The following NCR3LG1 variants were observed in gnomAD, a reference collection of about 807,000 sequenced individuals.
The protein encoded by NCR3LG1 is natural killer cell cytotoxicity receptor 3 ligand 1, also known as natural cytotoxicity triggering receptor 3 ligand 1.
A neutral mutation model predicts 34.8 loss-of-function variants in NCR3LG1; 35 were observed. That is an observed-to-expected ratio of 1.01 (90% confidence interval 0.77 to 1.33). The LOEUF is 1.33. Among genes scored for constraint, NCR3LG1 ranks in the 40% most tolerant of loss-of-function variants. NCR3LG1 has a pLI of 0.00. For missense variants in NCR3LG1, 452 were observed against 423.3 expected (o/e 1.07, Z -0.60); for synonymous variants, 173 against 163.6 (o/e 1.06, Z -0.44).
At chr11:17,356,423 C>T (rs895419239) in intron 1 of NCR3LG1, among the ~76,000 whole-genome samples, 2 of 152,084 alleles carry the variant, frequency 1.3e-5, no homozygotes, top group African/African-American at 4.8e-5. Flanking sequence ...AGGCATGAGC[C>T]ACCGTGCCTG....
chr11:17,353,638 T>G (rs2188955), intron 1 of NCR3LG1, among the ~76,000 whole-genome samples: 43,860 of 152,100 alleles, frequency 0.29, 7,758 homozygotes, highest in African/African-American at 0.48. Context: ...CTGGTGGTGG[T>G]GGAGAAGGGC....
At position 17,351,965 on chromosome 11, in the gene NCR3LG1, CGGCGAT is replaced by C; in HGVS notation, c.-3_3del. 1.4e-6 allele frequency: 2 copies of C among 1,401,314 alleles called. No individual in the cohort carries two copies. Among genetic ancestry groups the C allele is most frequent in the Non-Finnish European group, 1.9e-6 (2 of 1,062,086 alleles). The allele number at this position is 1,401,314 out of a possible 1,614,324, so 86.8% of individuals were successfully genotyped here. On this transcript the variant is annotated start_lost and 5_prime_UTR_variant, in exon 1 of 5. Transcript: ENST00000338965. ...GAAAAAAATTACACAACAGCAGCCGCGGCGATGACGTGGAGGGCTGCCGCCTCCACG... is the reference window on the plus strand; with the variant it reads ...GAAAAAAATTACACAACAGCAGCCGCGACGTGGAGGGCTGCCGCCTCCACG...
chr11:17,381,542 T>C (rs1953513377), downstream of NCR3LG1: 1 of 152,640 alleles, frequency 6.6e-6, no homozygotes, highest in South Asian at 2.1e-4. Context: ...GTCAGAACTG[T>C]ATTGCATTTG....
downstream of NCR3LG1, among the ~76,000 whole-genome samples, chr11:17,378,428 T>C (rs550425337): frequency 6.6e-6 from 1 of 152,314 alleles, no homozygotes; most frequent in Non-Finnish European, 1.5e-5. Context: ...GTGTGTTTTG[T>C]ACTAATGTTT....
At chr11:17,360,603 T>C (rs1953259959) in intron 2 of NCR3LG1, among the ~76,000 whole-genome samples, 1 of 151,312 alleles carries the variant, frequency 6.6e-6, no homozygotes, top group African/African-American at 2.4e-5. Flanking sequence ...TATATGTATT[T>C]TTTTTTTTTT....
At chr11:17,368,592 G>A (rs995078535) in intron 3 of NCR3LG1, among the ~76,000 whole-genome samples, 9 of 152,098 alleles carry the variant, frequency 5.9e-5, no homozygotes, top group Admixed American at 3.9e-4. Context: ...GATAGAAGAT[G>A]GTGTCGTATT....
Position 17,367,024 on chromosome 11 carries a change from G to T in NCR3LG1, c.437G>T (p.Arg146Ile). 1 of 1,532,040 alleles carries T rather than the reference G, an allele frequency of 6.5e-7. No homozygotes were observed. The highest frequency in any genetic ancestry group is 8.7e-7 in the Non-Finnish European group (1 of 1,143,632). The allele number at this position is 1,532,040 out of a possible 1,614,324, so 94.9% of individuals were successfully genotyped here. A position where few individuals can be genotyped will look rare whatever the true frequency, so the allele number is the denominator to read the frequency against. The part of the protein sequence containing the change: ...QLEVVASPAS[R>I]LLLDQVGMKE... ...TCCCTGACAGCTTCCCCAGCCAGCA[G>T]ATTGTTGCTGGATCAAGTGGGCATG... Residue 146 changes from arginine to isoleucine, a missense_variant, in exon 3 of 5, where the codon AGA (arginine) becomes ATA (isoleucine). By Grantham distance (97) the Arg-to-Ile change is moderately conservative. Transcript: ENST00000338965.
At chr11:17,352,120 C>A in intron 1 of NCR3LG1, 81 bp downstream of exon 1, 1 of 836,862 alleles carries the variant, frequency 1.2e-6, no homozygotes, top group Non-Finnish European at 1.8e-6. Flanking sequence ...AGCATCCCGC[C>A]AGGGGACCTC....
At chr11:17,363,177 G>T (rs1039713411) in intron 2 of NCR3LG1, among the ~76,000 whole-genome samples, 2 of 150,810 alleles carry the variant, frequency 1.3e-5, no homozygotes, top group Admixed American at 1.3e-4. Context: ...TCCCACCTTG[G>T]TCTCCCAAAG....
At chr11:17,358,927 T>C (rs941900984) in intron 2 of NCR3LG1, among the ~76,000 whole-genome samples, 11 of 152,232 alleles carry the variant, frequency 7.2e-5, no homozygotes, top group Non-Finnish European at 1.5e-4. Context: ...TTTTGTTTTA[T>C]TATTTTATTT....
chr11:17,358,802 G>T (rs1011685412), intron 2 of NCR3LG1, among the ~76,000 whole-genome samples: 2 of 152,132 alleles, frequency 1.3e-5, no homozygotes, highest in Non-Finnish European at 2.9e-5. Context: ...TATACTTTGT[G>T]TTATAATGCA....
downstream of NCR3LG1, among the ~76,000 whole-genome samples, chr11:17,378,148 T>C (rs1204162582): frequency 6.6e-6 from 1 of 152,142 alleles, no homozygotes; most frequent in Admixed American, 6.5e-5. Flanking sequence ...CTCTTTAGCC[T>C]CAGTAGTTAT....
intron 2 of NCR3LG1, 67 bp from the exon 3 acceptor site, chr11:17,366,942 A>G: frequency 2.6e-6 from 3 of 1,173,610 alleles, no homozygotes; most frequent in Non-Finnish European, 3.6e-6. Context: ...GAAGCCAGTT[A>G]GCATAAGGTG....
At position 17,356,730 on chromosome 11, in the gene NCR3LG1, C is replaced by T. The variant is rs1953212935; in HGVS notation, c.150C>T (p.Ile50=). Residue 50 remains isoleucine (I), a synonymous_variant, in exon 2 of 5, where the codon ATC becomes ATT. Coordinates refer to ENST00000338965, the MANE Select transcript of NCR3LG1 (RefSeq NM_001202439.3). ...ACAATGTCACCATATTCTGCAATAT[C>T]TTTTATTCCCAACCCCTCAACATCA... ...LNDNVTIFCN[I]FYSQPLNITS... The T allele has an allele frequency of 1.3e-6, 2 of 1,536,320 alleles. No homozygotes were observed. The highest frequency in any genetic ancestry group is 1.4e-5 in the African/African-American group (1 of 73,052).
At chr11:17,358,920 T>C (rs992137704) in intron 2 of NCR3LG1, among the ~76,000 whole-genome samples, 2 of 152,232 alleles carry the variant, frequency 1.3e-5, no homozygotes, top group African/African-American at 4.8e-5. Context: ...GATTTTGTTT[T>C]GTTTTATTAT....
chr11:17,354,560 T>C (rs1477740884), intron 1 of NCR3LG1, among the ~76,000 whole-genome samples: 1 of 147,754 alleles, frequency 6.8e-6, no homozygotes, highest in Non-Finnish European at 1.5e-5. Flanking sequence ...TTTTTTTTTT[T>C]TTTTTTTTTT....
At chr11:17,352,797 G>C (rs1299498801) in intron 1 of NCR3LG1, among the ~76,000 whole-genome samples, 1 of 151,716 alleles carries the variant, frequency 6.6e-6, no homozygotes, top group Admixed American at 6.6e-5. Flanking sequence ...ACCTTCAAAC[G>C]TTCTCTTGCT....
rs1229472111 is a variant in NCR3LG1 at position 17,376,880 on chromosome 11, T to C, written c.*4368T>C. The C allele has an allele frequency of 2.6e-5, 4 of 152,056 alleles. No homozygotes were observed. Among genetic ancestry groups the C allele is most frequent in the East Asian group, 1.9e-4 (1 of 5,176 alleles). The allele number at this position is 152,056 out of a possible 1,614,324, so 9.4% of individuals were successfully genotyped here. On this transcript the variant is annotated 3_prime_UTR_variant, in exon 5 of 5. Transcript: ENST00000338965. ...ACATAAGAAGGATGATCTAAGAAAATTGGAAGCCATATGGAGGGGAGGCTT... is the reference window on the plus strand; with the variant it reads ...ACATAAGAAGGATGATCTAAGAAAACTGGAAGCCATATGGAGGGGAGGCTT...
intron 1 of NCR3LG1, among the ~76,000 whole-genome samples, chr11:17,354,779 G>T (rs962795728): frequency 6.6e-6 from 1 of 151,876 alleles, no homozygotes; most frequent in East Asian, 1.9e-4. Context: ...TTTCCCTAAT[G>T]TATTATTTTA....
Sources: allele counts gnomAD v4.1 joint callset (sites outside exome capture counted in the v4.1 genomes callset), GRCh38; gene constraint gnomAD v4.1.1; transcripts MANE v1.5; gene names NCBI Gene and HGNC (gene_info 2026-07-23, HGNC 2026-07-21).